The following NECTIN1 variants were observed in gnomAD, a reference collection of about 807,000 sequenced individuals.
The protein encoded by NECTIN1 is nectin-1.
NECTIN1 carries 23 observed loss-of-function variants against 48.0 expected under a neutral mutation model. That is an observed-to-expected ratio of 0.48 (90% CI 0.34 to 0.68). The LOEUF (loss-of-function observed/expected upper bound fraction) is 0.68, where lower values mean the gene tolerates loss of function less well. Ranked by LOEUF, NECTIN1 falls within the 30% of genes least tolerant of loss-of-function variation. The probability of loss-of-function intolerance (pLI) is 0.01; values close to 1 mark genes in which losing one functional copy is unlikely to be tolerated. For missense variants in NECTIN1, 591 were observed against 709.9 expected (o/e 0.83, Z 1.90); for synonymous variants, 270 against 288.9 (o/e 0.93, Z 0.66).
rs775551936 is a variant in NECTIN1, at chr11:119,665,261, C to T, written c.1040G>A (p.Arg347Gln). 32 of 1,596,408 alleles carry T rather than the reference C, an allele frequency of 2.0e-5. No homozygotes were observed. Among genetic ancestry groups the T allele is most frequent in the African/African-American group, 1.1e-4 (8 of 74,770 alleles). ...GGCCGTGGGCACCGGCCCGGCGCGC[C>T]GCCCATGTTCGGGAGGAGACGGGGT... Reference protein sequence around the residue: ...PYTPSPPEHGRRAGPVPTAII... With the variant: ...PYTPSPPEHGQRAGPVPTAII... Residue 347 changes from arginine to glutamine, a missense_variant, in exon 6 of 6, where the codon CGG becomes CAG. Arg to Gln is a conservative substitution (Grantham distance 43). Coordinates refer to ENST00000264025, the MANE Select transcript of NECTIN1 (RefSeq NM_002855.5). The surrounding 1 kb of genome is among the most constrained non-coding windows in gnomAD (Gnocchi z 5.1).
downstream of NECTIN1, among the ~76,000 whole-genome samples, chr11:119,658,473 G>C (rs1864611005): frequency 6.6e-6 from 1 of 152,188 alleles, no homozygotes; most frequent in East Asian, 1.9e-4. Context: ...ATAGTGTCTA[G>C]AGGATGTGGG....
rs1274957915 is a variant in NECTIN1 at position 119,678,680 on chromosome 11, G to A, written c.165C>T (p.Asn55=). 6.2e-7 allele frequency: 1 copy of A among 1,613,930 alleles called. No individual in the cohort carries two copies. Among genetic ancestry groups the A allele is most frequent in the Non-Finnish European group, 8.5e-7 (1 of 1,180,032 alleles). Residue 55 remains asparagine, a synonymous_variant, in exon 2 of 6, where the codon AAC becomes AAT. Coordinates refer to ENST00000264025, the MANE Select transcript of NECTIN1 (RefSeq NM_002855.5). This position sits in a 1 kb window ranked among gnomAD's most constrained non-coding sequence, Gnocchi z 4.4. The part of the protein sequence containing the change: ...TDVVLHCSFA[N]PLPSVKITQV... ...GGGTGATCTTCACGCTGGGAAGCGGGTTGGCAAAGCTGCAGTGCAGAACCA... is the reference window on the plus strand; with the variant it reads ...GGGTGATCTTCACGCTGGGAAGCGGATTGGCAAAGCTGCAGTGCAGAACCA...
intron 5 of NECTIN1, among the ~76,000 whole-genome samples, chr11:119,669,134 G>T (rs1864824262): frequency 6.6e-6 from 1 of 152,196 alleles, no homozygotes; most frequent in South Asian, 2.1e-4. Context: ...AATGCAGGCT[G>T]GGCACAGTGG....
intron 5 of NECTIN1, among the ~76,000 whole-genome samples, chr11:119,648,268 G>A (rs1322655518): frequency 3.2e-4 from 7 of 21,778 alleles, no homozygotes; most frequent in Non-Finnish European, 4.3e-4. Context: ...GGTAATAGTG[G>A]TGGTGGTGAT....
At position 119,679,442 on chromosome 11, in the gene NECTIN1, T is replaced by C. The variant is rs1208885490; in HGVS notation, c.80-677A>G. On this transcript the variant is annotated intron_variant, in intron 1 of 5. Coordinates refer to ENST00000264025, the MANE Select transcript of NECTIN1 (RefSeq NM_002855.5). ...CTGGGGTGCACTAGCTGGGCCCCTC[T>C]TACCCAGCTAGGCAGAGGGAAGTGG... Among the ~76,000 whole-genome samples, 5 of 152,124 alleles carry C rather than the reference T, an allele frequency of 3.3e-5. No homozygotes were observed. The East Asian group carries it at 9.6e-4, about 29-fold the overall frequency.
chr11:119,654,306 A>C (rs1864536731), intron 5 of NECTIN1: 1 of 149,722 alleles, frequency 6.7e-6, no homozygotes, highest in African/African-American at 2.5e-5. Flanking sequence ...CAACCATCCA[A>C]CCCCCTCTTG....
At chr11:119,708,361 G>A (rs1865582574) in intron 1 of NECTIN1, among the ~76,000 whole-genome samples, 1 of 152,204 alleles carries the variant, frequency 6.6e-6, no homozygotes, top group African/African-American at 2.4e-5. Context: ...AGCAAGGTAG[G>A]AGCCAGTTGT....
chr11:119,678,855 A>G lies in NECTIN1; in HGVS notation c.80-90T>C. Reference sequence around the variant, plus strand: ...CCTGTGCTCTGGCCTTGTCTTTTATAGCAGTCATTATTGTTTTTATTCCGA... The same window carrying G: ...CCTGTGCTCTGGCCTTGTCTTTTATGGCAGTCATTATTGTTTTTATTCCGA... On this transcript the variant is annotated intron_variant, in intron 1 of 5. Coordinates refer to ENST00000264025, the MANE Select transcript of NECTIN1 (RefSeq NM_002855.5). The surrounding 1 kb of genome is among the most constrained non-coding windows in gnomAD (Gnocchi z 4.4). The G allele has an allele frequency of 1.2e-6, 1 of 840,316 alleles. No individual in the cohort carries two copies. The highest frequency in any genetic ancestry group is 2.0e-6 in the Non-Finnish European group (1 of 503,234). The allele number at this position is 840,316 out of a possible 1,614,324, so 52.1% of individuals were successfully genotyped here. A position where few individuals can be genotyped will look rare whatever the true frequency, so the allele number is the denominator to read the frequency against.
chr11:119,664,583 G>A lies in NECTIN1; in HGVS notation c.*164C>T, dbSNP rs976313281. ...AGGAAATAAAACACAAAGCCAAGTC[G>A]TGGCTGCCCTGGGCTCCCCTGGCCC... is the stretch of plus-strand genomic sequence containing the variant. On this transcript the variant is annotated 3_prime_UTR_variant, in exon 6 of 6. Transcript: ENST00000264025. 2.8e-6 allele frequency: 4 copies of A among 1,437,546 alleles called. No homozygotes were observed. The highest frequency in any genetic ancestry group is 3.6e-6 in the Non-Finnish European group (4 of 1,096,860). The allele number at this position is 1,437,546 out of a possible 1,614,324, so 89.0% of individuals were successfully genotyped here.
At chr11:119,728,413 C>A (rs1190826977) in intron 1 of NECTIN1, 62 bp downstream of exon 1, 11 of 1,479,616 alleles carry the variant, frequency 7.4e-6, no homozygotes, top group Admixed American at 2.0e-5. Context: ...GCCCGCCATC[C>A]GGCTCCCAGC....
chr11:119,675,133 A>C, intron 5 of NECTIN1, 26 bp downstream of exon 5: 1 of 1,613,864 alleles, frequency 6.2e-7, no homozygotes, highest in Non-Finnish European at 8.5e-7. Flanking sequence ...GGGTGCGGAG[A>C]GGCTGGGGAG....
intron 1 of NECTIN1, among the ~76,000 whole-genome samples, chr11:119,693,741 C>A (rs909124474): frequency 2.6e-5 from 4 of 152,204 alleles, no homozygotes; most frequent in Admixed American, 6.5e-5. Context: ...TGAAGCCGGG[C>A]TTCCCCAGCA....
Position 119,677,489 on chromosome 11 carries a change from AGAG to A in NECTIN1, c.733+63_733+65del. Reference sequence around the variant, plus strand: ...CAGAAAGAGAAAGGGAGGAGAAAGGAGAGGAGGAGGGAGGAGGGACAGTGGCGC... The same window carrying A: ...CAGAAAGAGAAAGGGAGGAGAAAGGAGAGGAGGGAGGAGGGACAGTGGCGC... On this transcript the variant is annotated intron_variant, in intron 3 of 5. Transcript: ENST00000264025. The surrounding 1 kb of genome is among the most constrained non-coding windows in gnomAD (Gnocchi z 5.4). The A allele has an allele frequency of 2.6e-6, 4 of 1,535,732 alleles. No individual in the cohort carries two copies. Among genetic ancestry groups the A allele is most frequent in the Non-Finnish European group, 3.6e-6 (4 of 1,110,952 alleles).
At chr11:119,680,782 C>G (rs189969301) in intron 1 of NECTIN1, among the ~76,000 whole-genome samples, 288 of 152,378 alleles carry the variant, frequency 1.9e-3, no homozygotes, top group African/African-American at 6.8e-3. Context: ...TCAGGCCTAT[C>G]CCCACCCTCA....
chr11:119,711,873 G>A (rs1012854843), intron 1 of NECTIN1, among the ~76,000 whole-genome samples: 12 of 152,164 alleles, frequency 7.9e-5, no homozygotes, highest in African/African-American at 1.9e-4. Context: ...GGGAATATTC[G>A]GCAATGTCTG....
intron 1 of NECTIN1, among the ~76,000 whole-genome samples, chr11:119,700,607 G>A (rs1022228925): frequency 2.8e-4 from 42 of 152,208 alleles, no homozygotes; most frequent in Non-Finnish European, 5.9e-5. Flanking sequence ...CGGTGGGTGG[G>A]GAGTGTTCAC....
intron 5 of NECTIN1, among the ~76,000 whole-genome samples, chr11:119,647,174 T>C (rs1232748660): frequency 5.3e-4 from 36 of 67,810 alleles, no homozygotes; most frequent in East Asian, 3.0e-3. Flanking sequence ...TGTGTGTGTG[T>C]GTGTGTGTGT....
chr11:119,647,220 T>TGTGTGA (rs1864410445), intron 5 of NECTIN1, among the ~76,000 whole-genome samples: 1 of 119,968 alleles, frequency 8.3e-6, no homozygotes. Flanking sequence ...TGTGTGTGTG[T>TGTGTGA]GTGACTGTGA....
chr11:119,656,339 A>C (rs1349343980), downstream of NECTIN1: 1 of 152,220 alleles, frequency 6.6e-6, no homozygotes, highest in Non-Finnish European at 1.5e-5. Flanking sequence ...CATGTACTAA[A>C]ATTGCAACGA....
Sources: gnomAD v4.1 joint callset for allele counts (sites outside exome capture counted in the v4.1 genomes callset) on GRCh38, gnomAD v4.1.1 for gene constraint, Gnocchi (gnomAD v3.1) non-coding constraint, MANE v1.5 for transcripts, NCBI Gene and HGNC (gene_info 2026-07-23, HGNC 2026-07-21) for gene names.